The following CHST9 variants were observed in gnomAD, a reference collection of about 807,000 sequenced individuals.
CHST9 encodes GalNAc-4-sulfotransferase 2.
Under a neutral mutation model 44.4 loss-of-function variants are expected in CHST9, and 41 were observed. The observed-to-expected ratio is 0.92, with a 90% CI of 0.72 to 1.20. The LOEUF (loss-of-function observed/expected upper bound fraction) is 1.20. Among genes scored for constraint, CHST9 ranks in the 50% most tolerant of loss-of-function variants. The probability of loss-of-function intolerance (pLI) is 0.00; values close to 1 mark genes in which losing one functional copy is unlikely to be tolerated. For synonymous variants in CHST9, 171 were observed against 178.4 expected (o/e 0.96, Z 0.33); for missense variants, 504 against 516.5 (o/e 0.98, Z 0.23).
At chr18:27,159,351 T>C (rs145332081) in intron 1 of CHST9, among the ~76,000 whole-genome samples, 60 of 152,342 alleles carry the variant, frequency 3.9e-4, no homozygotes, top group African/African-American at 1.2e-3. Flanking sequence ...CCCAGCACCA[T>C]TTATTAAATA....
intron 4 of CHST9, among the ~76,000 whole-genome samples, chr18:27,005,550 A>G (rs2057006330): frequency 6.6e-6 from 1 of 152,210 alleles, no homozygotes; most frequent in South Asian, 2.1e-4. Flanking sequence ...CTGGTGTACC[A>G]TATTTAGCAA....
At chr18:26,936,995 A>C (rs1429053248) in intron 5 of CHST9, among the ~76,000 whole-genome samples, 5 of 152,094 alleles carry the variant, frequency 3.3e-5, no homozygotes, top group African/African-American at 1.2e-4. Flanking sequence ...AGAACTTGTA[A>C]GAGAGTTTTT....
At position 26,906,497 on chromosome 18, in the gene CHST9, T is replaced by C. The variant is rs963134887; in HGVS notation, c.*9762A>G. ...AGGCTATGATGAGATAAATCAATGG[T>C]TTTATTTTATTGAGCACTTATTAAA... On this transcript the variant is annotated 3_prime_UTR_variant, in exon 6 of 6. Transcript: ENST00000618847. 2 of 152,152 alleles carry C rather than the reference T, an allele frequency of 1.3e-5. No homozygotes were observed. Among genetic ancestry groups the C allele is most frequent in the Admixed American group, 6.5e-5 (1 of 15,278 alleles). 9.4% of individuals were successfully genotyped at this position (152,152 alleles called of 1,614,324 possible).
intron 4 of CHST9, among the ~76,000 whole-genome samples, chr18:26,972,983 T>G (rs1171850313): frequency 6.6e-6 from 1 of 152,178 alleles, no homozygotes; most frequent in East Asian, 1.9e-4. Context: ...CCAGCTACAC[T>G]GGCCTCCTTT....
intron 3 of CHST9, among the ~76,000 whole-genome samples, chr18:27,034,038 C>G (rs1223347959): frequency 1.3e-5 from 2 of 152,232 alleles, no homozygotes; most frequent in Non-Finnish European, 2.9e-5. Context: ...ACTGCTGCTT[C>G]CCTGTTTCTA....
At chr18:27,059,800 T>C (rs1302306245) in intron 2 of CHST9, among the ~76,000 whole-genome samples, 1 of 152,214 alleles carries the variant, frequency 6.6e-6, no homozygotes, top group Non-Finnish European at 1.5e-5. Flanking sequence ...CTTTTTTATC[T>C]TGAAAATATC....
intron 2 of CHST9, among the ~76,000 whole-genome samples, chr18:27,072,438 C>CCA (rs2057851038): frequency 3.3e-5 from 5 of 152,010 alleles, no homozygotes; most frequent in Admixed American, 3.3e-4. Flanking sequence ...TGCCAAAAGG[C>CCA]TTTTCCTTAG....
At chr18:26,946,777 T>C (rs1249024464) in intron 4 of CHST9, among the ~76,000 whole-genome samples, 3 of 151,562 alleles carry the variant, frequency 2.0e-5, no homozygotes, top group African/African-American at 4.9e-5. Context: ...AAATAGGAAA[T>C]CCTTTCCCCA....
intron 2 of CHST9, among the ~76,000 whole-genome samples, chr18:27,139,514 T>TAA (rs1292426665): frequency 5.3e-5 from 8 of 150,460 alleles, no homozygotes; most frequent in South Asian, 2.1e-4. Context: ...TATATATATA[T>TAA]AAAAAATAAA....
intron 4 of CHST9, among the ~76,000 whole-genome samples, chr18:26,955,149 C>A (rs886221906): frequency 1.3e-4 from 20 of 151,898 alleles, no homozygotes; most frequent in African/African-American, 3.9e-4. Flanking sequence ...TGATAGCAGC[C>A]CTTTTCATAT....
chr18:26,941,048 C>T (rs1218769225), intron 5 of CHST9, among the ~76,000 whole-genome samples: 2 of 152,176 alleles, frequency 1.3e-5, no homozygotes, highest in African/African-American at 4.8e-5. Flanking sequence ...GAGACTATGG[C>T]CCTGCTGACC....
intron 1 of CHST9, among the ~76,000 whole-genome samples, chr18:27,158,776 G>T (rs1248359431): frequency 1.3e-5 from 2 of 150,062 alleles, no homozygotes; most frequent in African/African-American, 4.9e-5. Context: ...GTTGTTTCCT[G>T]ACTTTTTAAT....
intron 1 of CHST9, among the ~76,000 whole-genome samples, chr18:27,179,544 A>T (rs751456205): frequency 1.3e-5 from 2 of 152,082 alleles, no homozygotes; most frequent in Non-Finnish European, 2.9e-5. Context: ...GTTGTCACAA[A>T]TTATTGGTGG....
chr18:26,970,163 A>G (rs2056523154), intron 4 of CHST9, among the ~76,000 whole-genome samples: 1 of 152,100 alleles, frequency 6.6e-6, no homozygotes. Flanking sequence ...CCCACTTTCA[A>G]CCCAGACTCA....
intron 2 of CHST9, among the ~76,000 whole-genome samples, chr18:27,071,954 T>C (rs2057845321): frequency 6.6e-6 from 1 of 152,234 alleles, no homozygotes; most frequent in Non-Finnish European, 1.5e-5. Flanking sequence ...CCAATTGGCC[T>C]TCTACATATT....
At position 26,911,406 on chromosome 18, in the gene CHST9, C is replaced by T. The variant is rs2055438312; in HGVS notation, c.*4853G>A. Reference sequence around the variant, plus strand: ...AACGAACCTCCCTGACAAAAAAAATCGAGGAAAGGAATGCCTGCATTTATT... The same window carrying T: ...AACGAACCTCCCTGACAAAAAAAATTGAGGAAAGGAATGCCTGCATTTATT... On this transcript the variant is annotated 3_prime_UTR_variant, in exon 6 of 6. Transcript: ENST00000618847. The T allele has an allele frequency of 2.6e-5, 4 of 151,998 alleles. No homozygotes were observed. Among genetic ancestry groups the T allele is most frequent in the South Asian group, 2.1e-4 (1 of 4,810 alleles). 9.4% of individuals were successfully genotyped at this position (151,998 alleles called of 1,614,324 possible). A position where few individuals can be genotyped will look rare whatever the true frequency, so the allele number is the denominator to read the frequency against.
At chr18:27,090,559 C>T (rs1248329782) in intron 2 of CHST9, among the ~76,000 whole-genome samples, 4 of 152,142 alleles carry the variant, frequency 2.6e-5, no homozygotes, top group Non-Finnish European at 5.9e-5. Context: ...AGGTTTTCTT[C>T]TAGGGTTTTT....
In CHST9 at chr18:27,117,900, G is replaced by C. The variant is rs1195712494; in HGVS notation, c.121+24789C>G. Among the ~76,000 whole-genome samples the C allele has an allele frequency of 2.0e-5, 3 of 152,086 alleles. No individual in the cohort carries two copies. In the East Asian group the frequency reaches 5.8e-4, roughly 29 times the overall value. ...TAGATACAAGTTTTCAGTTCATTTGGATAAATACCAAGGAGCATGATTGCT... is the reference window on the plus strand; with the variant it reads ...TAGATACAAGTTTTCAGTTCATTTGCATAAATACCAAGGAGCATGATTGCT... On this transcript the variant is annotated intron_variant, in intron 2 of 5. Transcript: ENST00000618847.
At chr18:27,063,272 C>T (rs2057746245) in intron 2 of CHST9, among the ~76,000 whole-genome samples, 1 of 152,114 alleles carries the variant, frequency 6.6e-6, no homozygotes, top group Admixed American at 6.6e-5. Context: ...ACATATGCTC[C>T]CTCATATATT....
Sources: gnomAD v4.1 joint callset for allele counts (sites outside exome capture counted in the v4.1 genomes callset) on GRCh38, gnomAD v4.1.1 for gene constraint, MANE v1.5 for transcripts, NCBI Gene and HGNC (gene_info 2026-07-23, HGNC 2026-07-21) for gene names.